The following MYH1 variants were observed in gnomAD, a reference collection of about 807,000 sequenced individuals.
MYH1 encodes the protein myosin heavy chain 1, also known as myosin-1.
MYH1 carries 214 observed loss-of-function variants against 225.6 expected under a neutral mutation model. That is an observed-to-expected ratio of 0.95 (90% CI 0.85 to 1.06). MYH1 has a LOEUF of 1.06. Ranked by LOEUF, MYH1 falls within the 50% of genes least tolerant of loss-of-function variation. The pLI is 0.00. For missense variants in MYH1, 2,098 were observed against 2,344.2 expected, an observed-to-expected ratio of 0.89 and a Z score of 2.17; for synonymous variants, 774 against 842.3, an observed-to-expected ratio of 0.92 and a Z score of 1.40.
intron 28 of MYH1, 99 bp from the exon 29 acceptor site, chr17:10,499,191 A>T: frequency 2.1e-6 from 2 of 954,258 alleles, no homozygotes; most frequent in Non-Finnish European, 3.4e-6. Flanking sequence ...TTGAAACTTG[A>T]TGGAGGGCAT....
chr17:10,495,051 A>G lies in MYH1; in HGVS notation c.5346T>C (p.His1782=), dbSNP rs1213120465. ...ELKKEQDTSA[H]LERMKKNLEQ... ...CCAGGTTCTTCTTCATCCGCTCCAG[A>G]TGGGCGCTGGTGTCCTGTTCCTTCT... Residue 1782 remains histidine, a synonymous_variant, in exon 37 of 40, where the codon CAT becomes CAC. Transcript: ENST00000226207. 1 of 1,614,026 alleles carries G rather than the reference A, an allele frequency of 6.2e-7. No homozygotes were observed. The highest frequency in any genetic ancestry group is 2.2e-5 in the East Asian group (1 of 44,888).
intron 22 of MYH1, 65 bp from the exon 23 acceptor site, chr17:10,503,313 AT>A (rs1219241341): frequency 1.3e-6 from 2 of 1,576,882 alleles, no homozygotes; most frequent in Non-Finnish European, 1.7e-6. Context: ...GATTTTATTA[AT>A]ATTTTGAAAC....
chr17:10,514,596 G>T (rs1044442560), intron 6 of MYH1, among the ~76,000 whole-genome samples: 2 of 152,164 alleles, frequency 1.3e-5, no homozygotes, highest in African/African-American at 4.8e-5. Context: ...GCTGCTCATT[G>T]CACTATACTG....
At position 10,496,330 on chromosome 17, in the gene MYH1, G is replaced by A; in HGVS notation, c.4876C>T (p.Leu1626Phe). 2.5e-6 allele frequency: 4 copies of A among 1,614,028 alleles called. No individual in the cohort carries two copies. The highest frequency in any genetic ancestry group is 3.4e-6 in the Non-Finnish European group (4 of 1,180,010). ...TTCAGCTGGATTTCCATTTCATTGA[G>A]GTCTCCCTCCATCTTCTTCTTGAGC... The part of the protein sequence containing the change: ...IRLKKKMEGD[L>F]NEMEIQLNHA... Residue 1626 changes from leucine to phenylalanine, a missense_variant, in exon 34 of 40, where the codon CTC becomes TTC. Coordinates refer to ENST00000226207, the MANE Select transcript of MYH1 (RefSeq NM_005963.4).
intron 39 of MYH1, among the ~76,000 whole-genome samples, chr17:10,493,281 G>T (rs2072953127): frequency 1.3e-5 from 2 of 152,176 alleles, no homozygotes; most frequent in African/African-American, 4.8e-5. Context: ...TTTGTCCGAG[G>T]TATGGACAGT....
In MYH1 at chr17:10,503,265, G is replaced by A. The variant is rs1214193331; in HGVS notation, c.2692-17C>T. ...GTCAGCTTCCTGAGAAGAGGCAATAGATATTTTAGATTTTATGAAAATTCC... is the reference window on the plus strand; with the variant it reads ...GTCAGCTTCCTGAGAAGAGGCAATAAATATTTTAGATTTTATGAAAATTCC... On this transcript the variant is annotated splice_polypyrimidine_tract_variant and intron_variant, in intron 22 of 39. Transcript: ENST00000226207. The A allele has an allele frequency of 6.2e-7, 1 of 1,602,984 alleles. No homozygotes were observed.
At chr17:10,518,446 G>T (rs1463286946) in intron 1 of MYH1, 74 bp downstream of exon 1, 1 of 152,206 alleles carries the variant, frequency 6.6e-6, no homozygotes, top group East Asian at 1.9e-4. Flanking sequence ...GAGCCAGGAT[G>T]TGTGGCATGC....
At position 10,499,009 on chromosome 17, in the gene MYH1, C is replaced by T; in HGVS notation, c.3949G>A (p.Glu1317Lys). 1 of 1,614,006 alleles carries T rather than the reference C, an allele frequency of 6.2e-7. No homozygotes were observed. Among genetic ancestry groups the T allele is most frequent in the South Asian group, 1.1e-5 (1 of 91,074 alleles). Residue 1317 changes from glutamate (E) to lysine (K), a missense_variant, in exon 29 of 40, where the codon GAG (glutamate) becomes AAG (lysine). Glu to Lys is a moderately conservative substitution (Grantham distance 56, BLOSUM62 1). Transcript: ENST00000226207. ...RGKQAFTQQI[E>K]ELKRQLEEEI... ...TCTTCAAGTTGCCTTTTCAGTTCCT[C>T]AATCTGTTGTGTAAAGGCTTGTTTG... is the stretch of plus-strand genomic sequence containing the variant.
At chr17:10,506,180 A>G in intron 17 of MYH1, 81 bp from the exon 18 acceptor site, 1 of 1,547,070 alleles carries the variant, frequency 6.5e-7, no homozygotes, top group Non-Finnish European at 8.8e-7. Flanking sequence ...ATTGAGATCT[A>G]TGACAGTGGT....
chr17:10,494,697 G>A (rs2072969281), intron 37 of MYH1, 24 bp from the exon 38 acceptor site: 2 of 1,611,682 alleles, frequency 1.2e-6, no homozygotes, highest in Non-Finnish European at 1.7e-6. Context: ...GACATTTTAA[G>A]GACATTCATT....
Position 10,516,531 on chromosome 17 carries a change from C to G in MYH1, c.112G>C (p.Val38Leu), listed in dbSNP as rs1172349606. ...GACTCCTTAGGGTCCACCACAAAGA[C>G]TGATGTCTTGGCATCAAAAGGCTTG... is the stretch of plus-strand genomic sequence containing the variant. ...QNKPFDAKTS[V>L]FVVDPKESFV... The change falls in exon 3 of 40, where the codon GTC (valine) becomes CTC (leucine). Residue 38 changes from valine to leucine, a missense_variant. Coordinates refer to ENST00000226207, the MANE Select transcript of MYH1 (RefSeq NM_005963.4). 1 of 1,614,222 alleles carries G rather than the reference C, an allele frequency of 6.2e-7. No homozygotes were observed. Among genetic ancestry groups the G allele is most frequent in the Non-Finnish European group, 8.5e-7 (1 of 1,180,052 alleles).
intron 2 of MYH1, among the ~76,000 whole-genome samples, chr17:10,517,422 G>A (rs190217290): frequency 1.9e-4 from 29 of 152,076 alleles, no homozygotes; most frequent in Non-Finnish European, 3.4e-4. Context: ...ATTATAAAAC[G>A]TTATTACCTA....
intron 35 of MYH1, among the ~76,000 whole-genome samples, chr17:10,495,655 G>A (rs917363694): frequency 4.0e-5 from 6 of 151,050 alleles, no homozygotes; most frequent in Admixed American, 6.6e-5. Flanking sequence ...CAGGTACTCC[G>A]GAGGCTGAGG....
chr17:10,504,729 G>A, intron 22 of MYH1, 81 bp downstream of exon 22: 3 of 1,473,184 alleles, frequency 2.0e-6, no homozygotes, highest in Non-Finnish European at 2.8e-6. Context: ...CCCTTATTTG[G>A]TAGAATCTAG....
At position 10,499,141 on chromosome 17, in the gene MYH1, ACT is replaced by A. The variant is rs751985103; in HGVS notation, c.3866-51_3866-50del. 5.3e-6 allele frequency: 8 copies of A among 1,510,722 alleles called. No individual in the cohort carries two copies. In the South Asian group the frequency reaches 9.3e-5, roughly 17 times the overall value. 93.6% of individuals were successfully genotyped at this position (1,510,722 alleles called of 1,614,324 possible). ...ACTCAACCTTACTTTGGAAATTAAAACTCTAAAATAAAAACTTGAGCAGGGAA... is the reference window on the plus strand; with the variant it reads ...ACTCAACCTTACTTTGGAAATTAAAACTAAAATAAAAACTTGAGCAGGGAA... On this transcript the variant is annotated intron_variant, in intron 28 of 39. Transcript: ENST00000226207.
In MYH1 at chr17:10,505,485, A is replaced by C. The variant is rs1244962696; in HGVS notation, c.2201T>G (p.Ile734Ser). The stretch of plus-strand genomic sequence containing the variant: ...GCTATCGATGAATTGTCCTTCAGGG[A>C]TAGCACTTGCATTTAACACCTTGTA... The part of the protein sequence containing the change: ...QRYKVLNASA[I>S]PEGQFIDSKK... The change falls in exon 20 of 40, where the codon ATC (isoleucine) becomes AGC (serine). Residue 734 changes from isoleucine (I) to serine (S), a missense_variant. By Grantham distance (142) the Ile-to-Ser change is moderately radical (BLOSUM62 -2). Transcript: ENST00000226207. 2 of 1,614,236 alleles carry C rather than the reference A, an allele frequency of 1.2e-6. No individual in the cohort carries two copies. Among genetic ancestry groups the C allele is most frequent in the Non-Finnish European group, 1.7e-6 (2 of 1,180,026 alleles).
In MYH1 at chr17:10,509,138, C is replaced by T. The variant is rs186801625; in HGVS notation, c.1587+347G>A. Among the ~76,000 whole-genome samples the T allele has an allele frequency of 4.6e-5, 7 of 152,148 alleles. No individual in the cohort carries two copies. The East Asian group carries it at 5.8e-4, about 13-fold the overall frequency. Reference sequence around the variant, plus strand: ...TGGATTTTAAAAGCCTCTGCTTTAACGTACAGTAGTAGAAATTCATACTTT... The same window carrying T: ...TGGATTTTAAAAGCCTCTGCTTTAATGTACAGTAGTAGAAATTCATACTTT... On this transcript the variant is annotated intron_variant, in intron 15 of 39. Coordinates refer to ENST00000226207, the MANE Select transcript of MYH1 (RefSeq NM_005963.4).
Position 10,493,174 on chromosome 17 carries a change from A to G in MYH1, c.5668-606T>C, listed in dbSNP as rs1188530404. Among the ~76,000 whole-genome samples, 4 of 152,242 alleles carry G rather than the reference A, an allele frequency of 2.6e-5. No individual in the cohort carries two copies. The East Asian group carries it at 7.7e-4, about 29-fold the overall frequency. The stretch of plus-strand genomic sequence containing the variant: ...TGTGGCATTCAAATTTAGAACAGAC[A>G]TAAAGCTTAGAATCATTAAATAGTA... On this transcript the variant is annotated intron_variant, in intron 39 of 39. Transcript: ENST00000226207.
rs1567714039 is a variant in MYH1, at chr17:10,494,441, T to G, written c.5580A>C (p.Glu1860Asp). Residue 1860 changes from glutamate to aspartate, a missense_variant, in exon 39 of 40, where the codon GAA (glutamate) becomes GAC (aspartate). Coordinates refer to ENST00000226207, the MANE Select transcript of MYH1 (RefSeq NM_005963.4). The part of the protein sequence containing the change: ...KVKELTYQTE[E>D]DRKNILRLQD... ...GGAGCCTGAGAATATTCTTGCGGTCTTCCTCAGTCTGAAATAATGTTTTCA... is the reference window on the plus strand; with the variant it reads ...GGAGCCTGAGAATATTCTTGCGGTCGTCCTCAGTCTGAAATAATGTTTTCA... 6.2e-7 allele frequency: 1 copy of G among 1,613,744 alleles called. No homozygotes were observed. Among genetic ancestry groups the G allele is most frequent in the Non-Finnish European group, 8.5e-7 (1 of 1,179,940 alleles).
Sources: gnomAD v4.1 joint callset for allele counts (sites outside exome capture counted in the v4.1 genomes callset) on GRCh38, gnomAD v4.1.1 for gene constraint, MANE v1.5 for transcripts, NCBI Gene and HGNC (gene_info 2026-07-23, HGNC 2026-07-21) for gene names.